The following GET3 variants were observed in gnomAD, a reference collection of about 807,000 sequenced individuals.
The protein encoded by GET3 is ATPase GET3.
Under a neutral mutation model 32.4 loss-of-function variants are expected in GET3, and 15 were observed. That is an observed-to-expected ratio of 0.46 (90% CI 0.31 to 0.71). The LOEUF is 0.71. Among genes scored for constraint, GET3 ranks in the 30% least tolerant of loss-of-function variants. GET3 has a pLI of 0.05. For missense variants in GET3, 333 were observed against 459.0 expected (o/e 0.73, Z 2.51); for synonymous variants, 198 against 185.6 (o/e 1.07, Z -0.54).
rs1162765219 is a variant in GET3, at chr19:12,746,440, GTTA to G, written c.609+688_609+690del. Among the ~76,000 whole-genome samples the G allele has an allele frequency of 2.0e-5, 3 of 152,254 alleles. No individual in the cohort carries two copies. In the South Asian group the frequency reaches 6.2e-4, roughly 32 times the overall value. ...GAGCCACTGTGCCCAGCCCCCATGG[GTTA>G]TTATTACGATGACAACCCTAAAGCC... On this transcript the variant is annotated intron_variant, in intron 4 of 6. Coordinates refer to ENST00000357332, the MANE Select transcript of GET3 (RefSeq NM_004317.4).
At chr19:12,741,345 A>T (rs1020534872) in intron 2 of GET3, among the ~76,000 whole-genome samples, 1 of 151,762 alleles carries the variant, frequency 6.6e-6, no homozygotes, top group Non-Finnish European at 1.5e-5. Flanking sequence ...AATCCCAGTT[A>T]TTCGGGAGGC....
At chr19:12,741,587 C>T (rs1350197984) in intron 2 of GET3, among the ~76,000 whole-genome samples, 1 of 151,562 alleles carries the variant, frequency 6.6e-6, no homozygotes, top group African/African-American at 2.4e-5. Context: ...GGTGAAACCC[C>T]GTCTCTACTA....
In GET3 at chr19:12,747,408, TC is replaced by T; in HGVS notation, c.732del (p.Phe244LeufsTer18). On this transcript the variant is annotated frameshift_variant, in exon 6 of 7. Transcript: ENST00000357332. LOFTEE classifies it high-confidence loss of function. The surrounding 1 kb of genome is among the most constrained non-coding windows in gnomAD (Gnocchi z 4.0). The stretch of plus-strand genomic sequence containing the variant: ...CGTGCCCTGTAGGAGCAGACAACTT[TC>T]ATCTGCGTATGCATTGCTGAGTTCC... ...EQFKDPEQTT[F>X]ICVCIAEFLS... The T allele has an allele frequency of 6.2e-7, 1 of 1,614,068 alleles. No homozygotes were observed. The highest frequency in any genetic ancestry group is 1.1e-5 in the South Asian group (1 of 91,070).
chr19:12,745,566 G>T lies in GET3; in HGVS notation c.458+41G>T. 6.2e-7 allele frequency: 1 copy of T among 1,612,522 alleles called. No homozygotes were observed. On this transcript the variant is annotated intron_variant, in intron 3 of 6. Coordinates refer to ENST00000357332, the MANE Select transcript of GET3 (RefSeq NM_004317.4). The surrounding 1 kb of genome is among the most constrained non-coding windows in gnomAD (Gnocchi z 5.0). ...CAGGGGTGGGGGCTGCCTGGGGAAGGGGAAGAGCGGACACAGAGGGCCTGA... is the reference window on the plus strand; with the variant it reads ...CAGGGGTGGGGGCTGCCTGGGGAAGTGGAAGAGCGGACACAGAGGGCCTGA...
At chr19:12,740,884 C>G (rs1599448495) in intron 2 of GET3, among the ~76,000 whole-genome samples, 1 of 152,140 alleles carries the variant, frequency 6.6e-6, no homozygotes, top group African/African-American at 2.4e-5. Flanking sequence ...GCTTCTCTTT[C>G]TCACCAAGGA....
At chr19:12,737,983 A>G (rs1420664683) in intron 1 of GET3, among the ~76,000 whole-genome samples, 1 of 152,122 alleles carries the variant, frequency 6.6e-6, no homozygotes, top group African/African-American at 2.4e-5. Flanking sequence ...TGAGGGCGGC[A>G]CCAGAACAAG....
chr19:12,740,067 G>A (rs377003943), intron 2 of GET3, among the ~76,000 whole-genome samples: 13 of 151,506 alleles, frequency 8.6e-5, no homozygotes, highest in East Asian at 3.9e-4. Context: ...TAGTAGAGAC[G>A]AGGTTTTCTC....
intron 2 of GET3, 68 bp downstream of exon 2, chr19:12,738,726 A>C (rs903826887): frequency 6.3e-7 from 1 of 1,584,042 alleles, no homozygotes. Flanking sequence ...GTGCGCACAC[A>C]CCAGCAGCCA....
chr19:12,746,735 C>T (rs142688641), intron 4 of GET3, among the ~76,000 whole-genome samples: 268 of 152,226 alleles, frequency 1.8e-3, no homozygotes, highest in African/African-American at 6.1e-3. Flanking sequence ...TGAGGCCGGC[C>T]GCAGTGGCTC....
intron 1 of GET3, among the ~76,000 whole-genome samples, chr19:12,737,997 T>A (rs1967605166): frequency 6.6e-6 from 1 of 151,968 alleles, no homozygotes; most frequent in Non-Finnish European, 1.5e-5. Context: ...GAACAAGCAA[T>A]CCTAGTTTGG....
In GET3 at chr19:12,748,040, C is replaced by T. The variant is rs1436554312; in HGVS notation, c.983C>T (p.Ala328Val). The T allele has an allele frequency of 6.2e-7, 1 of 1,612,102 alleles. No homozygotes were observed. The part of the protein sequence containing the change: ...LPLLPHEVRG[A>V]DKVNTFSALL... ...CTGTTACCCCATGAGGTGCGGGGGG[C>T]AGACAAGGTCAACACCTTCTCGGCC... The change falls in exon 7 of 7, where the codon GCA becomes GTA. Residue 328 changes from alanine to valine, a missense_variant. Ala to Val is a moderately conservative substitution (Grantham distance 64). Transcript: ENST00000357332.
rs191223552 is a variant in GET3 at position 12,738,966 on chromosome 19, A to G, written c.309+308A>G. On this transcript the variant is annotated intron_variant, in intron 2 of 6. Transcript: ENST00000357332. The stretch of plus-strand genomic sequence containing the variant: ...CATTGACTCCAGGTTATTAACGGGA[A>G]GCTGTTTGTTTTAAGCAGGGCAATG... Among the ~76,000 whole-genome samples the G allele has an allele frequency of 2.0e-5, 3 of 152,330 alleles. No individual in the cohort carries two copies. In the East Asian group the frequency reaches 5.8e-4, roughly 29 times the overall value.
At position 12,745,310 on chromosome 19, in the gene GET3, C is replaced by T. The variant is rs753422879; in HGVS notation, c.310-67C>T. 4.8e-5 allele frequency: 76 copies of T among 1,573,054 alleles called. No individual in the cohort carries two copies. The highest frequency in any genetic ancestry group is 6.1e-5 in the Non-Finnish European group (71 of 1,162,512). On this transcript the variant is annotated intron_variant, in intron 2 of 6. Coordinates refer to ENST00000357332, the MANE Select transcript of GET3 (RefSeq NM_004317.4). This position sits in a 1 kb window ranked among gnomAD's most constrained non-coding sequence, Gnocchi z 5.0. Reference sequence around the variant, plus strand: ...CCGGGTAGGAAGGCTCCCCCTGGCCCTGTGCCCAGGTGGGAAGGCTCCCCC... The same window carrying T: ...CCGGGTAGGAAGGCTCCCCCTGGCCTTGTGCCCAGGTGGGAAGGCTCCCCC...
chr19:12,740,198 C>T (rs973301448), intron 2 of GET3, among the ~76,000 whole-genome samples: 45 of 150,758 alleles, frequency 3.0e-4, no homozygotes, highest in Admixed American at 1.7e-3. Flanking sequence ...CTGGCTAACA[C>T]GGTGAAAGCC....
intron 2 of GET3, 83 bp downstream of exon 2, chr19:12,738,741 G>A: frequency 1.3e-6 from 2 of 1,547,142 alleles, no homozygotes; most frequent in Non-Finnish European, 1.8e-6. Flanking sequence ...CAGCCACCGT[G>A]TCCTATCCAC....
At chr19:12,740,544 G>A (rs1473884890) in intron 2 of GET3, among the ~76,000 whole-genome samples, 1 of 151,684 alleles carries the variant, frequency 6.6e-6, no homozygotes, top group African/African-American at 2.4e-5. Context: ...AGGTATGGTG[G>A]CGGGCACCTG....
chr19:12,742,512 T>G lies in GET3; in HGVS notation c.310-2865T>G, dbSNP rs375173483. ...TCACTGCAACCTCTTCCTCCCGATT[T>G]CAAGTGATTCTCCTGCCTCAGCCTC... On this transcript the variant is annotated intron_variant, in intron 2 of 6. Coordinates refer to ENST00000357332, the MANE Select transcript of GET3 (RefSeq NM_004317.4). Among the ~76,000 whole-genome samples the G allele has an allele frequency of 5.9e-5, 9 of 152,204 alleles. No individual in the cohort carries two copies. In the South Asian group the frequency reaches 1.9e-3, roughly 32 times the overall value.
intron 2 of GET3, among the ~76,000 whole-genome samples, chr19:12,740,102 G>C (rs1368126190): frequency 6.6e-6 from 1 of 151,888 alleles, no homozygotes; most frequent in Admixed American, 6.6e-5. Flanking sequence ...AAAAAAATTG[G>C]CTGGGCGCAG....
intron 2 of GET3, among the ~76,000 whole-genome samples, chr19:12,741,772 T>C (rs1398994756): frequency 6.8e-6 from 1 of 147,306 alleles, no homozygotes; most frequent in Non-Finnish European, 1.5e-5. Context: ...AAAAAAAAAT[T>C]AGTTGGGCCT....
Sources: allele counts gnomAD v4.1 joint callset (sites outside exome capture counted in the v4.1 genomes callset), GRCh38; gene constraint gnomAD v4.1.1; non-coding constraint Gnocchi (gnomAD v3.1); transcripts MANE v1.5; gene names NCBI Gene and HGNC (gene_info 2026-07-23, HGNC 2026-07-21).